The following ACBD6 variants were observed in gnomAD, a reference collection of about 807,000 sequenced individuals.
ACBD6 encodes the protein acyl-CoA-binding domain-containing protein 6.
A neutral mutation model predicts 37.2 loss-of-function variants in ACBD6; 28 were observed. That is an observed-to-expected ratio of 0.75 (90% CI 0.56 to 1.03). The LOEUF (loss-of-function observed/expected upper bound fraction) is 1.03. Ranked by LOEUF, ACBD6 falls within the 50% of genes least tolerant of loss-of-function variation. The probability of loss-of-function intolerance (pLI) is 0.00; values close to 1 mark genes in which losing one functional copy is unlikely to be tolerated. For missense variants in ACBD6, 340 were observed against 337.4 expected (o/e 1.01, Z -0.06); for synonymous variants, 113 against 126.8 (o/e 0.89, Z 0.73).
At chr1:180,494,729 T>A (rs1391141496) in intron 2 of ACBD6, among the ~76,000 whole-genome samples, 3 of 152,194 alleles carry the variant, frequency 2.0e-5, no homozygotes, top group African/African-American at 7.2e-5. Context: ...CTAACCTTAA[T>A]TCCAGGGCTG....
At chr1:180,389,758 G>A (rs952485411) in intron 6 of ACBD6, among the ~76,000 whole-genome samples, 2 of 152,074 alleles carry the variant, frequency 1.3e-5, no homozygotes, top group African/African-American at 2.4e-5. Flanking sequence ...GCCAGTGATG[G>A]TGAGCATTTT....
chr1:180,346,648 A>G (rs2101886880), intron 6 of ACBD6, among the ~76,000 whole-genome samples: 2 of 152,340 alleles, frequency 1.3e-5, no homozygotes, highest in Middle Eastern at 6.8e-3. Flanking sequence ...GAGGAACCAG[A>G]TAAGCCATGC....
At chr1:180,270,906 CAGG>C in exon 14 of ACBD6, 1 of 238,406 alleles carries the variant, frequency 4.2e-6, no homozygotes, top group South Asian at 5.4e-5. Context: ...CCAGCGACGC[CAGG>C]GCAAAGGTGA....
chr1:180,314,735 C>T lies in ACBD6; in HGVS notation c.664-13G>A, dbSNP rs1650732619. The T allele has an allele frequency of 6.6e-7, 1 of 1,524,408 alleles. No individual in the cohort carries two copies. The highest frequency in any genetic ancestry group is 1.7e-5 in the Admixed American group (1 of 59,256). The allele number at this position is 1,524,408 out of a possible 1,614,324, so 94.4% of individuals were successfully genotyped here. A position where few individuals can be genotyped will look rare whatever the true frequency, so the allele number is the denominator to read the frequency against. On this transcript the variant is annotated splice_polypyrimidine_tract_variant and intron_variant, in intron 6 of 7. Transcript: ENST00000367595. ...GGCCTTCATTGTCCTATAAAAGAAA[C>T]AAATAATACATTTTAGAAGTCTAAG...
chr1:180,473,474 C>G (rs1196701412), intron 3 of ACBD6, among the ~76,000 whole-genome samples: 2 of 150,008 alleles, frequency 1.3e-5, no homozygotes, highest in African/African-American at 4.9e-5. Context: ...AACTTTTACA[C>G]GAGTCAAATT....
At chr1:180,274,757 G>A in exon 10 of ACBD6, 1 of 715,238 alleles carries the variant, frequency 1.4e-6, no homozygotes, top group Non-Finnish European at 2.2e-6. Flanking sequence ...TTGTTTCCCT[G>A]GGGAAGCAGT....
In ACBD6 at chr1:180,274,252, C is replaced by T. The variant is rs139479246; in HGVS notation, c.*937-140G>A. The T allele has an allele frequency of 1.4e-4, 220 of 1,614,042 alleles. No homozygotes were observed. The highest frequency in any genetic ancestry group is 1.8e-4 in the South Asian group (16 of 91,086). On this transcript the variant is annotated intron_variant, in intron 10 of 13. Transcript: ENST00000642319. ...ATGGCAACGTGGGGGACGTTACAGG[C>T]GGACAGTTAATGAATGGGAGCTTCT...
At chr1:180,380,628 T>C (rs951353251) in intron 6 of ACBD6, among the ~76,000 whole-genome samples, 5 of 148,644 alleles carry the variant, frequency 3.4e-5, no homozygotes, top group African/African-American at 1.2e-4. Context: ...AAAAAAATGG[T>C]TAAGGGAGTC....
At chr1:180,288,559 A>G (rs373301772) in intron 7 of ACBD6, 42 bp from the exon 8 acceptor site, 1 of 1,579,662 alleles carries the variant, frequency 6.3e-7, no homozygotes, top group African/African-American at 1.3e-5. Context: ...GTTTACCAAG[A>G]GACAGAGAAA....
intron 6 of ACBD6, among the ~76,000 whole-genome samples, chr1:180,370,459 T>C (rs981309710): frequency 1.3e-5 from 2 of 152,152 alleles, no homozygotes; most frequent in Non-Finnish European, 2.9e-5. Context: ...ACTAGGAATA[T>C]TGAAGAAACA....
At chr1:180,377,638 T>C (rs563416630) in intron 6 of ACBD6, among the ~76,000 whole-genome samples, 19 of 152,232 alleles carry the variant, frequency 1.2e-4, no homozygotes, top group Admixed American at 3.3e-4. Flanking sequence ...ACACAACTCA[T>C]TGATGGACGC....
chr1:180,469,463 A>G (rs1023195473), intron 3 of ACBD6, among the ~76,000 whole-genome samples: 2 of 152,226 alleles, frequency 1.3e-5, no homozygotes, highest in African/African-American at 4.8e-5. Flanking sequence ...CAATATAGTA[A>G]TTCTACAGAG....
chr1:180,318,170 C>A (rs371853548), intron 6 of ACBD6, among the ~76,000 whole-genome samples: 2 of 93,646 alleles, frequency 2.1e-5, no homozygotes, highest in Non-Finnish European at 4.2e-5. Flanking sequence ...TCCGCCCCCC[C>A]CCCCCAAAAA....
intron 2 of ACBD6, among the ~76,000 whole-genome samples, chr1:180,493,262 A>C (rs1356843961): frequency 3.6e-5 from 5 of 140,130 alleles, no homozygotes; most frequent in Non-Finnish European, 6.0e-5. Context: ...AAAAAAAAAA[A>C]AAAAAAAAAA....
At chr1:180,293,186 C>T (rs1315814602) in intron 7 of ACBD6, among the ~76,000 whole-genome samples, 1 of 151,974 alleles carries the variant, frequency 6.6e-6, no homozygotes, top group Admixed American at 6.6e-5. Context: ...GTTTTCTTTT[C>T]CTCTAAGGTC....
intron 3 of ACBD6, among the ~76,000 whole-genome samples, chr1:180,460,325 T>G (rs567975843): frequency 1.3e-5 from 2 of 149,494 alleles, no homozygotes; most frequent in Non-Finnish European, 3.0e-5. Flanking sequence ...TTTGCTGTTT[T>G]AGCAACTTAG....
chr1:180,454,327 G>GAA, intron 3 of ACBD6, among the ~76,000 whole-genome samples: 1 of 152,292 alleles, frequency 6.6e-6, no homozygotes, highest in East Asian at 1.9e-4. Context: ...GCCATATGCA[G>GAA]AAAACTGAAA....
intron 4 of ACBD6, among the ~76,000 whole-genome samples, chr1:180,427,334 A>C (rs1392566900): frequency 2.0e-5 from 3 of 152,210 alleles, no homozygotes; most frequent in Non-Finnish European, 4.4e-5. Context: ...ATAGAAAAGA[A>C]TTTTTGCTTT....
intron 3 of ACBD6, among the ~76,000 whole-genome samples, chr1:180,460,021 T>C (rs954346571): frequency 1.3e-5 from 2 of 149,422 alleles, no homozygotes; most frequent in Non-Finnish European, 3.0e-5. Context: ...AGGGTACATG[T>C]GCACAACGTG....
Sources: allele counts gnomAD v4.1 joint callset (sites outside exome capture counted in the v4.1 genomes callset), GRCh38; gene constraint gnomAD v4.1.1; transcripts MANE v1.5; gene names NCBI Gene and HGNC (gene_info 2026-07-23, HGNC 2026-07-21).